Variants in SPINK1 observed in about 807,000 individuals in gnomAD.
SPINK1 encodes serine protease inhibitor Kazal-type 1.
In SPINK1, 5 loss-of-function variants were observed where a neutral mutation model predicts 9.5. That is an observed-to-expected ratio of 0.52 (90% confidence interval 0.27 to 1.10). The LOEUF is 1.10. Among genes scored for constraint, SPINK1 ranks in the 50% least tolerant of loss-of-function variants. SPINK1 has a pLI of 0.11. For missense variants in SPINK1, 88 were observed against 92.7 expected, an observed-to-expected ratio of 0.95 and a Z score of 0.21; for synonymous variants, 37 against 32.3, an observed-to-expected ratio of 1.14 and a Z score of -0.49.
chr5:147,831,798 G>A, upstream of SPINK1: 1 of 1,405,438 alleles, frequency 7.1e-7, no homozygotes, highest in Admixed American at 2.9e-5. Context: ...GGAGCCAGGT[G>A]GGCCTGAAAC....
intron 3 of SPINK1, among the ~76,000 whole-genome samples, chr5:147,825,853 C>T (rs1756394629): frequency 1.3e-5 from 2 of 152,166 alleles, no homozygotes; most frequent in Non-Finnish European, 2.9e-5. Context: ...ACAGAATAAA[C>T]AAGAGTTGCT....
the SPINK1 span, among the ~76,000 whole-genome samples, chr5:147,837,716 T>TC: frequency 8.2e-5 from 12 of 146,148 alleles, no homozygotes; most frequent in East Asian, 2.0e-4. Flanking sequence ...TTTCTTTCTT[T>TC]TTTGGGATGG....
intron 3 of SPINK1, chr5:147,827,210 G>A (rs1455349623): frequency 6.6e-6 from 1 of 152,074 alleles, no homozygotes; most frequent in African/African-American, 2.4e-5. Context: ...CTGAGTAGCT[G>A]GTATTATAGG....
chr5:147,835,605 C>A (rs1756583161), upstream of SPINK1, among the ~76,000 whole-genome samples: 1 of 152,046 alleles, frequency 6.6e-6, no homozygotes, highest in Admixed American at 6.5e-5. Flanking sequence ...ATGACCTACT[C>A]CCCTCTGATT....
At chr5:147,839,193 T>C in the SPINK1 span, among the ~76,000 whole-genome samples, 1 of 152,092 alleles carries the variant, frequency 6.6e-6, no homozygotes, top group Non-Finnish European at 1.5e-5. Context: ...CAAGGAGAAG[T>C]ATTGAGCAAA....
chr5:147,835,465 G>A (rs1306354533), upstream of SPINK1, among the ~76,000 whole-genome samples: 10 of 151,994 alleles, frequency 6.6e-5, no homozygotes, highest in Admixed American at 3.9e-4. Flanking sequence ...TCCTGCCACC[G>A]TGCTAGACTA....
chr5:147,829,752 A>G, intron 1 of SPINK1, 122 bp from the exon 2 acceptor site: 1 of 890,012 alleles, frequency 1.1e-6, no homozygotes, highest in South Asian at 1.4e-5. Flanking sequence ...TTCATTCCCC[A>G]CCCTTTCTGA....
the SPINK1 span, among the ~76,000 whole-genome samples, chr5:147,837,924 A>T: frequency 1.3e-5 from 2 of 151,650 alleles, no homozygotes; most frequent in Non-Finnish European, 2.9e-5. Context: ...CTGGTCTCGA[A>T]CTCCTGACCT....
intron 1 of SPINK1, among the ~76,000 whole-genome samples, chr5:147,830,713 C>T (rs796690146): frequency 1.1e-4 from 17 of 152,258 alleles, no homozygotes; most frequent in African/African-American, 4.1e-4. Flanking sequence ...AATATTCTTC[C>T]TCTTCTTAGC....
upstream of SPINK1, among the ~76,000 whole-genome samples, chr5:147,832,947 C>CA (rs1383948237): frequency 2.6e-5 from 4 of 151,626 alleles, no homozygotes; most frequent in African/African-American, 9.7e-5. Context: ...AGGCAAGTGA[C>CA]AAAAAATAAT....
At chr5:147,835,718 C>A (rs142703147), upstream of SPINK1, among the ~76,000 whole-genome samples, 1,146 of 152,152 alleles carry the variant, frequency 7.5e-3, 6 homozygotes, top group South Asian at 0.015. Context: ...ATTGGGCTGG[C>A]ACCTGTTGAT....
intron 1 of SPINK1, among the ~76,000 whole-genome samples, chr5:147,829,953 T>C (rs907869471): frequency 6.6e-6 from 1 of 152,182 alleles, no homozygotes; most frequent in African/African-American, 2.4e-5. Context: ...CTGAGCAAAT[T>C]ATCTTTTGAA....
chr5:147,838,602 A>G, the SPINK1 span, among the ~76,000 whole-genome samples: 1 of 152,186 alleles, frequency 6.6e-6, no homozygotes, highest in South Asian at 2.1e-4. Flanking sequence ...TAATGCCCTG[A>G]TATCATTTCA....
At chr5:147,834,684 T>C (rs1286201794), upstream of SPINK1, among the ~76,000 whole-genome samples, 1 of 152,128 alleles carries the variant, frequency 6.6e-6, no homozygotes, top group Non-Finnish European at 1.5e-5. Context: ...GGCTGGGATC[T>C]GGTCACAGAA....
At chr5:147,828,170 A>T (rs1756445994) in intron 2 of SPINK1, 42 bp from the exon 3 acceptor site, 1 of 1,473,648 alleles carries the variant, frequency 6.8e-7, no homozygotes, top group African/African-American at 1.4e-5. Context: ...ATTATTCTCC[A>T]TTCTTGAGTT....
chr5:147,831,479 G>T, intron 1 of SPINK1, 44 bp downstream of exon 1: 3 of 1,610,768 alleles, frequency 1.9e-6, no homozygotes, highest in Non-Finnish European at 2.5e-6. Flanking sequence ...AAAGCAACAG[G>T]TCAAAACAGT....
upstream of SPINK1, among the ~76,000 whole-genome samples, chr5:147,832,269 A>G (rs1200661562): frequency 1.3e-5 from 2 of 152,062 alleles, no homozygotes; most frequent in African/African-American, 2.4e-5. Flanking sequence ...AATAACACCT[A>G]ATTCAAAGGG....
the SPINK1 span, among the ~76,000 whole-genome samples, chr5:147,837,654 T>TTTCG: frequency 7.5e-5 from 5 of 66,980 alleles, no homozygotes; most frequent in Admixed American, 2.8e-4. Context: ...ACTTCTTTTC[T>TTTCG]TTCTTTCTTT....
rs771152309 is a variant in SPINK1 at position 147,831,547 on chromosome 5, C to T, written c.31G>A (p.Ala11Thr). Reference sequence around the variant, plus strand: ...CCAGATAGACTCAACAGGGCCAAGGCACTGAGAAGAAAGATGCCTGTTACC... The same window carrying T: ...CCAGATAGACTCAACAGGGCCAAGGTACTGAGAAGAAAGATGCCTGTTACC... Reference protein sequence around the residue: MKVTGIFLLSALALLSLSGNT... With the variant: MKVTGIFLLSTLALLSLSGNT... The change falls in exon 1 of 4, where the codon GCC (alanine) becomes ACC (threonine). Residue 11 changes from alanine (A) to threonine (T), a missense_variant. Ala to Thr is a moderately conservative substitution (Grantham distance 58). Transcript: ENST00000296695. The T allele has an allele frequency of 1.2e-6, 2 of 1,613,680 alleles. No homozygotes were observed. The highest frequency in any genetic ancestry group is 2.2e-5 in the South Asian group (2 of 91,072).
Sources: allele counts gnomAD v4.1 joint callset (sites outside exome capture counted in the v4.1 genomes callset), GRCh38; gene constraint gnomAD v4.1.1; transcripts MANE v1.5; gene names NCBI Gene and HGNC (gene_info 2026-07-23, HGNC 2026-07-21).